The following FHDC1 variants were observed in gnomAD, a reference collection of about 807,000 sequenced individuals.
FHDC1 encodes the protein FH2 domain containing 1.
Under a neutral mutation model 52.6 loss-of-function variants are expected in FHDC1, and 25 were observed. That is an observed-to-expected ratio of 0.48 (90% CI 0.35 to 0.66). The LOEUF (loss-of-function observed/expected upper bound fraction) is 0.66, where lower values mean the gene tolerates loss of function less well. Among genes scored for constraint, FHDC1 ranks in the 30% least tolerant of loss-of-function variants. The probability of loss-of-function intolerance (pLI) is 0.01; values close to 1 mark genes in which losing one functional copy is unlikely to be tolerated. For synonymous variants in FHDC1, 616 were observed against 581.5 expected, an observed-to-expected ratio of 1.06 and a Z score of -0.85; for missense variants, 1,459 against 1,452.8, an observed-to-expected ratio of 1.00 and a Z score of -0.07.
At position 152,975,979 on chromosome 4, in the gene FHDC1, C is replaced by T. The variant is rs532217652; in HGVS notation, c.2688C>T (p.Ala896=). The change falls in exon 12 of 12, where the codon GCC becomes GCT. Residue 896 remains alanine, a synonymous_variant. Coordinates refer to ENST00000511601, the MANE Select transcript of FHDC1 (RefSeq NM_001371116.1). Reference sequence around the variant, plus strand: ...CCAAGTCTGTGCGGACCCTGACCGCCTCAGAGAACGAGAGCATGCGCAAGG... The same window carrying T: ...CCAAGTCTGTGCGGACCCTGACCGCTTCAGAGAACGAGAGCATGCGCAAGG... ...AVAKSVRTLT[A]SENESMRKVM... 4 of 1,523,282 alleles carry T rather than the reference C, an allele frequency of 2.6e-6. No individual in the cohort carries two copies. In the African/African-American group the frequency reaches 5.6e-5, roughly 21 times the overall value. The allele number at this position is 1,523,282 out of a possible 1,614,324, so 94.4% of individuals were successfully genotyped here.
the FHDC1 span, among the ~76,000 whole-genome samples, chr4:152,922,787 A>G: frequency 2.6e-5 from 4 of 151,774 alleles, no homozygotes; most frequent in Admixed American, 6.6e-5. Flanking sequence ...TGCAGAAAAG[A>G]CCTTTGACAA....
intron 1 of FHDC1, among the ~76,000 whole-genome samples, chr4:152,940,509 T>G (rs1739546357): frequency 6.6e-6 from 1 of 152,220 alleles, no homozygotes. Context: ...TTTCTGGCTT[T>G]GTTGTTAGGA....
intron 9 of FHDC1, among the ~76,000 whole-genome samples, chr4:152,965,390 G>C (rs1458839735): frequency 2.0e-5 from 3 of 152,128 alleles, no homozygotes; most frequent in Non-Finnish European, 4.4e-5. Flanking sequence ...TGCATTAAAA[G>C]AGTTTGTAAC....
At position 152,943,402 on chromosome 4, in the gene FHDC1, C is replaced by T. The variant is rs781704258; in HGVS notation, c.345C>T (p.Asn115=). Residue 115 remains asparagine (N), a synonymous_variant, in exon 2 of 12, where the codon AAC becomes AAT. Coordinates refer to ENST00000511601, the MANE Select transcript of FHDC1 (RefSeq NM_001371116.1). Reference sequence around the variant, plus strand: ...AGGAGCAAGTTCGAGGCAAAACCAACATCTGGACCTTGGCAGCCAGGCAGG... The same window carrying T: ...AGGAGCAAGTTCGAGGCAAAACCAATATCTGGACCTTGGCAGCCAGGCAGG... The part of the protein sequence containing the change: ...IPEEQVRGKT[N]IWTLAARQEH... 1.2e-6 allele frequency: 2 copies of T among 1,614,006 alleles called. No individual in the cohort carries two copies. Among genetic ancestry groups the T allele is most frequent in the South Asian group, 1.1e-5 (1 of 91,070 alleles).
At chr4:152,957,711 C>G (rs1740143604) in intron 4 of FHDC1, among the ~76,000 whole-genome samples, 1 of 152,236 alleles carries the variant, frequency 6.6e-6, no homozygotes, top group Non-Finnish European at 1.5e-5. Flanking sequence ...GCCCTTTTCT[C>G]TCCTGCCTTC....
chr4:152,912,004 T>C, the FHDC1 span: 3 of 152,694 alleles, frequency 2.0e-5, no homozygotes, highest in South Asian at 2.1e-4. Context: ...AAAAAAAAGG[T>C]ACTTCTGTCA....
the FHDC1 span, chr4:152,927,426 T>A: frequency 3.8e-6 from 3 of 788,076 alleles, no homozygotes; most frequent in East Asian, 7.3e-5. Context: ...GACTCTATAG[T>A]GGCGATTGGT....
At chr4:152,941,936 C>T (rs1739584520) in intron 1 of FHDC1, among the ~76,000 whole-genome samples, 3 of 152,150 alleles carry the variant, frequency 2.0e-5, no homozygotes, top group Admixed American at 2.0e-4. Flanking sequence ...TTTCTACACC[C>T]CACTTACCTG....
Position 152,975,011 on chromosome 4 carries a change from A to G in FHDC1, c.1720A>G (p.Ser574Gly). The G allele has an allele frequency of 6.2e-7, 1 of 1,612,572 alleles. No homozygotes were observed. Residue 574 changes from serine (S) to glycine (G), a missense_variant, in exon 12 of 12, where the codon AGC (serine) becomes GGC (glycine). By Grantham distance (56) the Ser-to-Gly change is moderately conservative. Transcript: ENST00000511601. ...EPNKFHSLPR[S>G]SPRQARPTIA... is the part of the protein sequence containing the mutation. ...CAATAAGTTCCACAGCCTGCCCCGG[A>G]GCAGCCCCCGGCAGGCCCGGCCCAC...
the FHDC1 span, among the ~76,000 whole-genome samples, chr4:152,920,615 A>G: frequency 6.6e-6 from 1 of 152,210 alleles, no homozygotes; most frequent in African/African-American, 2.4e-5. Context: ...ATCAGGCCAC[A>G]ACAAACAGTT....
In FHDC1 at chr4:152,974,886, G is replaced by T. The variant is rs761951297; in HGVS notation, c.1595G>T (p.Arg532Leu). The change falls in exon 12 of 12, where the codon CGG (arginine) becomes CTG (leucine). Residue 532 changes from arginine (R) to leucine (L), a missense_variant. Around this residue, in one of 3 missense-constraint regions of FHDC1, gnomAD observed 939 missense variants for 854.5 expected, o/e 1.10. Transcript: ENST00000511601. The stretch of plus-strand genomic sequence containing the variant: ...ATCAGCCCCTCCAGCCCCTCCTACC[G>T]GCCCCCGAACACCCGCCGCTCCCGC... ...RPISPSSPSY[R>L]PPNTRRSRLS... 6.2e-7 allele frequency: 1 copy of T among 1,604,420 alleles called. No homozygotes were observed. Among genetic ancestry groups the T allele is most frequent in the South Asian group, 1.1e-5 (1 of 90,222 alleles).
intron 3 of FHDC1, 138 bp from the exon 4 acceptor site, chr4:152,954,079 A>G (rs1358147213): frequency 1.5e-6 from 1 of 660,928 alleles, no homozygotes; most frequent in Non-Finnish European, 2.6e-6. Flanking sequence ...TGTTATGAGC[A>G]CTCACACAAA....
the FHDC1 span, among the ~76,000 whole-genome samples, chr4:152,918,102 A>C: frequency 2.6e-5 from 4 of 152,208 alleles, no homozygotes; most frequent in Admixed American, 2.6e-4. Context: ...TGACATACTA[A>C]GAGGCTATTG....
chr4:152,962,034 T>C (rs1740294862), intron 6 of FHDC1, among the ~76,000 whole-genome samples: 1 of 152,214 alleles, frequency 6.6e-6, no homozygotes, highest in Admixed American at 6.5e-5. Flanking sequence ...CCAGACTTAA[T>C]GGAGAATATT....
At chr4:152,972,588 T>C in intron 11 of FHDC1, 47 bp downstream of exon 11, 2 of 1,557,962 alleles carry the variant, frequency 1.3e-6, no homozygotes, top group South Asian at 2.5e-5. Context: ...GATTTTTATT[T>C]TCCTTCTTCT....
At chr4:152,911,866 T>G in the FHDC1 span, 1 of 152,622 alleles carries the variant, frequency 6.6e-6, no homozygotes, top group African/African-American at 2.4e-5. Context: ...AGAATGTGCC[T>G]CTAGTGTGAA....
Position 152,953,575 on chromosome 4 carries a change from A to G in FHDC1, c.560+15A>G. 1 of 1,606,120 alleles carries G rather than the reference A, an allele frequency of 6.2e-7. No individual in the cohort carries two copies. Among genetic ancestry groups the G allele is most frequent in the Non-Finnish European group, 8.5e-7 (1 of 1,176,498 alleles). ...CAATTTAAGAAGTAAGATTTTGCAC[A>G]CATTTGAAACTTTAGTCATATCCCT... On this transcript the variant is annotated intron_variant, in intron 3 of 11. Transcript: ENST00000511601.
the FHDC1 span, chr4:152,912,035 G>A: frequency 2.0e-5 from 3 of 152,372 alleles, no homozygotes; most frequent in Non-Finnish European, 4.4e-5. Flanking sequence ...TTTTAGCTCA[G>A]TAAGCTATTT....
At chr4:152,973,285 C>G (rs934723060) in intron 11 of FHDC1, among the ~76,000 whole-genome samples, 1 of 152,232 alleles carries the variant, frequency 6.6e-6, no homozygotes, top group African/African-American at 2.4e-5. Flanking sequence ...CTCTCCCCCT[C>G]CAGTTGGAAT....
Sources: allele counts gnomAD v4.1 joint callset (sites outside exome capture counted in the v4.1 genomes callset), GRCh38; gene constraint gnomAD v4.1.1; regional missense constraint gnomAD v4.1.1; transcripts MANE v1.5; gene names NCBI Gene and HGNC (gene_info 2026-07-23, HGNC 2026-07-21).